Variants in RIOK3 observed in about 807,000 individuals in gnomAD.
The protein encoded by RIOK3 is RIO kinase 3, also known as serine/threonine-protein kinase RIO3.
RIOK3 carries 40 observed loss-of-function variants against 63.5 expected under a neutral mutation model. That is an observed-to-expected ratio of 0.63 (90% confidence interval 0.49 to 0.82). The LOEUF (loss-of-function observed/expected upper bound fraction) is 0.82. Ranked by LOEUF, RIOK3 falls within the 40% of genes least tolerant of loss-of-function variation. RIOK3 has a pLI of 0.00. For missense variants in RIOK3, 557 were observed against 637.0 expected, an observed-to-expected ratio of 0.87 and a Z score of 1.35; for synonymous variants, 193 against 205.0, an observed-to-expected ratio of 0.94 and a Z score of 0.50.
Position 23,477,267 on chromosome 18 carries a change from A to G in RIOK3, c.1343A>G (p.Gln448Arg). The G allele has an allele frequency of 6.2e-7, 1 of 1,613,362 alleles. No homozygotes were observed. The highest frequency in any genetic ancestry group is 8.5e-7 in the Non-Finnish European group (1 of 1,179,256). The change falls in exon 11 of 13, where the codon CAG becomes CGG. Residue 448 changes from glutamine to arginine, a missense_variant and splice_region_variant. Coordinates refer to ENST00000339486, the MANE Select transcript of RIOK3 (RefSeq NM_003831.5). Reference protein sequence around the residue: ...FLFRDCRNVSQFFQKGGVKEA... With the variant: ...FLFRDCRNVSRFFQKGGVKEA... ...TTCCGGGACTGCAGGAATGTCTCGC[A>G]GGTAGACGTGTAAACCAATATGCCT...
At chr18:23,461,225 G>A (rs2057370524) in intron 1 of RIOK3, among the ~76,000 whole-genome samples, 2 of 152,326 alleles carry the variant, frequency 1.3e-5, no homozygotes, top group African/African-American at 4.8e-5. Context: ...TATACTGGCT[G>A]AACTTGATCA....
chr18:23,466,381 A>G (rs1056411657), intron 6 of RIOK3, 105 bp downstream of exon 6: 68 of 947,178 alleles, frequency 7.2e-5, no homozygotes, highest in Non-Finnish European at 1.0e-4. Context: ...TTTTCATGAG[A>G]TTGGCTTTTT....
intron 1 of RIOK3, among the ~76,000 whole-genome samples, chr18:23,461,925 A>G (rs1263811966): frequency 2.0e-5 from 3 of 151,542 alleles, no homozygotes; most frequent in African/African-American, 4.8e-5. Flanking sequence ...CCCTATCTCT[A>G]CTAAAAATAC....
At chr18:23,456,386 A>T (rs2057341221) in intron 1 of RIOK3, 2 of 152,226 alleles carry the variant, frequency 1.3e-5, no homozygotes, top group Non-Finnish European at 1.5e-5. Flanking sequence ...GTCTGATGGT[A>T]GTGGGTTATC....
intron 12 of RIOK3, among the ~76,000 whole-genome samples, chr18:23,480,555 G>GCACACACA (rs59552026): frequency 0.089 from 12,695 of 141,910 alleles, 643 homozygotes; most frequent in Non-Finnish European, 0.1. Context: ...TTGGATGCAC[G>GCACACACA]CACACACACA....
chr18:23,474,885 G>A, intron 8 of RIOK3, 63 bp from the exon 9 acceptor site: 1 of 1,264,908 alleles, frequency 7.9e-7, no homozygotes, highest in South Asian at 1.3e-5. Flanking sequence ...GATATTTATT[G>A]AATAAATGAC....
chr18:23,472,698 C>T (rs1189952717), intron 7 of RIOK3, among the ~76,000 whole-genome samples: 1 of 152,192 alleles, frequency 6.6e-6, no homozygotes, highest in African/African-American at 2.4e-5. Flanking sequence ...TCGCGATTCC[C>T]CACCACCTCT....
At chr18:23,470,139 C>T (rs1047454356) in intron 7 of RIOK3, among the ~76,000 whole-genome samples, 1 of 151,860 alleles carries the variant, frequency 6.6e-6, no homozygotes, top group Non-Finnish European at 1.5e-5. Context: ...CCGATGGGGG[C>T]GGATCACGAG....
At chr18:23,467,098 G>A (rs926699928) in intron 6 of RIOK3, among the ~76,000 whole-genome samples, 7 of 151,978 alleles carry the variant, frequency 4.6e-5, no homozygotes, top group Non-Finnish European at 1.0e-4. Context: ...GGCGGATCAT[G>A]AGGTCAGGAG....
chr18:23,458,887 G>A (rs2057357267), intron 1 of RIOK3, among the ~76,000 whole-genome samples: 1 of 152,188 alleles, frequency 6.6e-6, no homozygotes, highest in South Asian at 2.1e-4. Context: ...TTGGCTTGAA[G>A]AGTTTGGGTT....
chr18:23,465,918 A>G (rs1458083729), intron 5 of RIOK3, among the ~76,000 whole-genome samples: 1 of 152,226 alleles, frequency 6.6e-6, no homozygotes, highest in Non-Finnish European at 1.5e-5. Flanking sequence ...CTATGCCTGG[A>G]ATAAATGCCT....
In RIOK3 at chr18:23,477,014, G is replaced by A; in HGVS notation, c.1182G>A (p.Arg394=). 1 of 1,612,828 alleles carries A rather than the reference G, an allele frequency of 6.2e-7. No homozygotes were observed. The highest frequency in any genetic ancestry group is 8.5e-7 in the Non-Finnish European group (1 of 1,179,204). ...EAYYQTLHLM[R]QLYHECTLVH... ...GCCTTCCCTCTTCACAGTTGATGCG[G>A]CAGTTATATCATGAATGTACGCTTG... The change falls in exon 10 of 13, where the codon CGG becomes CGA. Residue 394 remains arginine (R), a synonymous_variant. Coordinates refer to ENST00000339486, the MANE Select transcript of RIOK3 (RefSeq NM_003831.5).
chr18:23,477,074 G>C lies in RIOK3; in HGVS notation c.1242G>C (p.Trp414Cys). ...ACCTCAGTGAGTATAACATGCTGTG[G>C]CATGCTGGAAAGGTGAGGAGCACAT... is the stretch of plus-strand genomic sequence containing the variant. ...HADLSEYNML[W>C]HAGKVWLIDV... The change falls in exon 10 of 13, where the codon TGG (tryptophan) becomes TGC (cysteine). Residue 414 changes from tryptophan (W) to cysteine (C), a missense_variant. Coordinates refer to ENST00000339486, the MANE Select transcript of RIOK3 (RefSeq NM_003831.5). 2 of 1,613,974 alleles carry C rather than the reference G, an allele frequency of 1.2e-6. No individual in the cohort carries two copies. Among genetic ancestry groups the C allele is most frequent in the South Asian group, 2.2e-5 (2 of 91,084 alleles).
intron 7 of RIOK3, among the ~76,000 whole-genome samples, chr18:23,471,789 A>T (rs2057458013): frequency 6.6e-6 from 1 of 151,526 alleles, no homozygotes; most frequent in Non-Finnish European, 1.5e-5. Context: ...ACGAGGTGAG[A>T]GCCTGGGGAA....
At chr18:23,456,050 C>T (rs1216781735) in intron 1 of RIOK3, among the ~76,000 whole-genome samples, 1 of 152,200 alleles carries the variant, frequency 6.6e-6, no homozygotes, top group African/African-American at 2.4e-5. Context: ...CCCACCTTGG[C>T]CTCCCAAAGT....
intron 2 of RIOK3, 67 bp from the exon 3 acceptor site, chr18:23,463,900 C>A: frequency 1.5e-6 from 2 of 1,378,654 alleles, no homozygotes; most frequent in South Asian, 1.4e-5. Flanking sequence ...ACCTCCTACT[C>A]TCATAATTGG....
chr18:23,467,301 C>G (rs2057415894), intron 6 of RIOK3, 98 bp from the exon 7 acceptor site: 2 of 1,097,282 alleles, frequency 1.8e-6, no homozygotes, highest in Admixed American at 4.4e-5. Context: ...GTGACAAGAG[C>G]AAGACTCCGT....
chr18:23,458,063 GTT>G (rs201406755), intron 1 of RIOK3, among the ~76,000 whole-genome samples: 3 of 137,702 alleles, frequency 2.2e-5, no homozygotes, highest in Non-Finnish European at 3.2e-5. Flanking sequence ...CTGGCTAGTT[GTT>G]TTTTTTTTTT....
At chr18:23,480,555 G>GCGCGCACA (rs779698307) in intron 12 of RIOK3, among the ~76,000 whole-genome samples, 29 of 142,094 alleles carry the variant, frequency 2.0e-4, no homozygotes, top group Admixed American at 5.6e-4. Context: ...TTGGATGCAC[G>GCGCGCACA]CACACACACA....
Sources: gnomAD v4.1 joint callset for allele counts (sites outside exome capture counted in the v4.1 genomes callset) on GRCh38, gnomAD v4.1.1 for gene constraint, MANE v1.5 for transcripts, NCBI Gene and HGNC (gene_info 2026-07-23, HGNC 2026-07-21) for gene names.